The following DOT1L variants were observed in gnomAD, a reference collection of about 807,000 sequenced individuals.
DOT1L encodes DOT1 like histone lysine methyltransferase.
A neutral mutation model predicts 153.3 loss-of-function variants in DOT1L; 33 were observed. The observed-to-expected ratio is 0.22, with a 90% CI of 0.16 to 0.29. The LOEUF (loss-of-function observed/expected upper bound fraction) is 0.29. DOT1L is among the 10% of genes least tolerant of loss of function. DOT1L has a pLI of 1.00. For missense variants in DOT1L, 1,847 were observed against 2,119.9 expected (o/e 0.87, Z 2.53); for synonymous variants, 1,135 against 965.1 (o/e 1.18, Z -3.26).
intron 1 of DOT1L, among the ~76,000 whole-genome samples, chr19:2,166,327 C>T (rs985889236): frequency 6.7e-6 from 1 of 149,552 alleles, no homozygotes. Context: ...AACTCCTGAC[C>T]TCTGGTGATC....
chr19:2,165,639 T>G (rs1317697491), intron 1 of DOT1L, among the ~76,000 whole-genome samples: 1 of 152,236 alleles, frequency 6.6e-6, no homozygotes, highest in Non-Finnish European at 1.5e-5. Flanking sequence ...CAGCCTCCAC[T>G]TCTCTCTGTT....
At position 2,190,038 on chromosome 19, in the gene DOT1L, T is replaced by C. The variant is rs954624534; in HGVS notation, c.264+243T>C. ...TGGTTTGTGTGCTGAGGCAGGGCCC[T>C]GAGGGTTGTGGTGTCTGCACACGCC... On this transcript the variant is annotated intron_variant, in intron 4 of 27. Coordinates refer to ENST00000398665, the MANE Select transcript of DOT1L (RefSeq NM_032482.3). This position sits in a 1 kb window ranked among gnomAD's most constrained non-coding sequence, Gnocchi z 4.8. 2.0e-5 allele frequency among the ~76,000 whole-genome samples: 3 copies of C among 152,134 alleles called. No individual in the cohort carries two copies. Among genetic ancestry groups the C allele is most frequent in the African/African-American group, 4.8e-5 (2 of 41,434 alleles).
chr19:2,228,461 C>G, intron 27 of DOT1L: 2 of 1,217,402 alleles, frequency 1.6e-6, no homozygotes, highest in Non-Finnish European at 1.0e-6. Context: ...GGCCACAGGG[C>G]TCGGCAGAAG....
At chr19:2,180,082 T>G (rs901263307) in intron 1 of DOT1L, among the ~76,000 whole-genome samples, 1 of 152,016 alleles carries the variant, frequency 6.6e-6, no homozygotes, top group African/African-American at 2.4e-5. Context: ...CGGGGAGGGA[T>G]CTGTGTTAGG....
intron 15 of DOT1L, 139 bp downstream of exon 15, chr19:2,211,351 T>G (rs1298270623): frequency 1.3e-6 from 1 of 763,656 alleles, no homozygotes; most frequent in African/African-American, 1.8e-5. Context: ...AGGGTTGGGG[T>G]CTGCCTGCTG....
chr19:2,180,630 C>T (rs189399682), intron 1 of DOT1L, 83 bp from the exon 2 acceptor site: 62 of 1,526,494 alleles, frequency 4.1e-5, no homozygotes, highest in Admixed American at 3.2e-4. Flanking sequence ...GGGAAGTTGA[C>T]GGCATCGCTT....
rs1568348313 is a variant in DOT1L at position 2,200,975 on chromosome 19, CCTCATTCCT to C, written c.707+1038_707+1046del. 5.8e-4 allele frequency among the ~76,000 whole-genome samples: 81 copies of C among 140,568 alleles called. 6 individuals are homozygous for C. Among genetic ancestry groups the C allele is most frequent in the African/African-American group, 2.0e-3 (74 of 36,656 alleles). The allele number at this position is 140,568 out of a possible 152,430, so 92.2% of individuals were successfully genotyped here. A position where few individuals can be genotyped will look rare whatever the true frequency, so the allele number is the denominator to read the frequency against. On this transcript the variant is annotated intron_variant, in intron 8 of 27. Coordinates refer to ENST00000398665, the MANE Select transcript of DOT1L (RefSeq NM_032482.3). ...GTCCTCCCCGCATTCCTCGTCCTCC[CCTCATTCCT>C]CGTCGTCCCCTCATTCCTCGTCCTC...
At chr19:2,180,561 C>T (rs779703486) in intron 1 of DOT1L, 152 bp from the exon 2 acceptor site, 1 of 881,426 alleles carries the variant, frequency 1.1e-6, no homozygotes, top group Non-Finnish European at 1.8e-6. Flanking sequence ...GGGAGTGTCT[C>T]TGGTGGTACC....
intron 25 of DOT1L, among the ~76,000 whole-genome samples, chr19:2,223,819 A>G (rs1330089235): frequency 6.6e-6 from 1 of 152,210 alleles, no homozygotes; most frequent in Admixed American, 6.5e-5. Context: ...AGTGTATTAC[A>G]GTAGCTTTAT....
chr19:2,216,240 C>A (rs775304991), intron 19 of DOT1L, 41 bp from the exon 20 acceptor site: 1 of 1,528,240 alleles, frequency 6.5e-7, no homozygotes, highest in Non-Finnish European at 8.8e-7. Context: ...CTGGAGTGGT[C>A]CCCCGGTGGG....
rs949147513 is a variant in DOT1L, at chr19:2,197,924, C to T, written c.652-1960C>T. 2.6e-5 allele frequency among the ~76,000 whole-genome samples: 4 copies of T among 152,168 alleles called. No homozygotes were observed. Among genetic ancestry groups the T allele is most frequent in the Non-Finnish European group, 5.9e-5 (4 of 68,026 alleles). On this transcript the variant is annotated intron_variant, in intron 7 of 27. Coordinates refer to ENST00000398665, the MANE Select transcript of DOT1L (RefSeq NM_032482.3). This position sits in a 1 kb window ranked among gnomAD's most constrained non-coding sequence, Gnocchi z 4.1. Reference sequence around the variant, plus strand: ...TGCATCTGATATTGGAGGAAACCCTCGGAGCAACTCTCTGTGGCTTTGCCT... The same window carrying T: ...TGCATCTGATATTGGAGGAAACCCTTGGAGCAACTCTCTGTGGCTTTGCCT...
intron 1 of DOT1L, among the ~76,000 whole-genome samples, chr19:2,164,815 C>T (rs1040830941): frequency 8.5e-5 from 13 of 152,068 alleles, no homozygotes; most frequent in Admixed American, 7.2e-4. Flanking sequence ...ATTTTTGTCC[C>T]CGTAATTTTG....
rs1288769676 is a variant in DOT1L at position 2,193,863 on chromosome 19, C to T, written c.588+80C>T. On this transcript the variant is annotated intron_variant, in intron 6 of 27. Transcript: ENST00000398665. The surrounding 1 kb of genome is among the most constrained non-coding windows in gnomAD (Gnocchi z 5.9). ...TGACGCCCTGGGTGCCTGCACCCCA[C>T]TGCTGTGGGACTTCCGAGTCTGGGT... 1 of 1,401,766 alleles carries T rather than the reference C, an allele frequency of 7.1e-7. No individual in the cohort carries two copies. The highest frequency in any genetic ancestry group is 1.4e-5 in the African/African-American group (1 of 71,004). 86.8% of individuals were successfully genotyped at this position (1,401,766 alleles called of 1,614,324 possible). A position where few individuals can be genotyped will look rare whatever the true frequency, so the allele number is the denominator to read the frequency against.
chr19:2,193,977 G>A lies in DOT1L; in HGVS notation c.588+194G>A, dbSNP rs886138678. Among the ~76,000 whole-genome samples, 1 of 152,160 alleles carries A rather than the reference G, an allele frequency of 6.6e-6. No individual in the cohort carries two copies. Among genetic ancestry groups the A allele is most frequent in the Admixed American group, 6.5e-5 (1 of 15,288 alleles). On this transcript the variant is annotated intron_variant, in intron 6 of 27. Transcript: ENST00000398665. This position sits in a 1 kb window ranked among gnomAD's most constrained non-coding sequence, Gnocchi z 5.9. The stretch of plus-strand genomic sequence containing the variant: ...CGATCGCCCTCACGGCCCATTACAG[G>A]CCGGCCCTCCAGGCCTGTCCAAGCG...
intron 7 of DOT1L, among the ~76,000 whole-genome samples, chr19:2,198,391 C>T (rs921739928): frequency 6.6e-6 from 1 of 152,208 alleles, no homozygotes; most frequent in African/African-American, 2.4e-5. Flanking sequence ...CTTCCCGCGG[C>T]CTTGGAGAGC....
rs1599515683 is a variant in DOT1L, at chr19:2,164,337, C to A, written c.81+72C>A. On this transcript the variant is annotated intron_variant, in intron 1 of 27. Coordinates refer to ENST00000398665, the MANE Select transcript of DOT1L (RefSeq NM_032482.3). Reference sequence around the variant, plus strand: ...CGCCGCCCCTGGGGACACCCCAAACCCCCCCAAGCCGCGCTCACCGGTCCC... The same window carrying A: ...CGCCGCCCCTGGGGACACCCCAAACACCCCCAAGCCGCGCTCACCGGTCCC... 18 of 1,093,220 alleles carry A rather than the reference C, an allele frequency of 1.6e-5. No individual in the cohort carries two copies. The East Asian group carries it at 4.0e-4, about 24-fold the overall frequency. The allele number at this position is 1,093,220 out of a possible 1,614,324, so 67.7% of individuals were successfully genotyped here.
intron 12 of DOT1L, 145 bp from the exon 13 acceptor site, chr19:2,210,255 G>A: frequency 1.3e-6 from 1 of 779,198 alleles, no homozygotes; most frequent in Non-Finnish European, 1.9e-6. Flanking sequence ...CTGGGCCTCA[G>A]TTTCCTGATT....
Position 2,208,888 on chromosome 19 carries a change from A to C in DOT1L, c.964-47A>C. On this transcript the variant is annotated intron_variant, in intron 11 of 27. Transcript: ENST00000398665. This position sits in a 1 kb window ranked among gnomAD's most constrained non-coding sequence, Gnocchi z 4.4. ...CCTGGGTGTCCAGACAAATCCGAAC[A>C]GAGATTGGGACTCCCTTCTAATCAG... 2.5e-6 allele frequency: 4 copies of C among 1,594,774 alleles called. No individual in the cohort carries two copies. Among genetic ancestry groups the C allele is most frequent in the Non-Finnish European group, 3.4e-6 (4 of 1,168,290 alleles).
At chr19:2,194,724 C>A in intron 7 of DOT1L, 147 bp downstream of exon 7, 1 of 858,804 alleles carries the variant, frequency 1.2e-6, no homozygotes, top group Non-Finnish European at 1.8e-6. Flanking sequence ...TCTCGTAGGG[C>A]TGCCTGGGCG....
Sources: gnomAD v4.1 joint callset for allele counts (sites outside exome capture counted in the v4.1 genomes callset) on GRCh38, gnomAD v4.1.1 for gene constraint, Gnocchi (gnomAD v3.1) non-coding constraint, MANE v1.5 for transcripts, NCBI Gene and HGNC (gene_info 2026-07-23, HGNC 2026-07-21) for gene names.